ARHGEF35: variants seen among roughly 807,000 people sequenced by gnomAD.
ARHGEF35 encodes Rho guanine nucleotide exchange factor 35, also known as Rho guanine nucleotide exchange factor (GEF) 35.
For synonymous variants in ARHGEF35, 47 were observed against 170.4 expected, an observed-to-expected ratio of 0.28 and a Z score of 5.64; for missense variants, 114 against 449.7, an observed-to-expected ratio of 0.25 and a Z score of 6.75.
Position 144,187,022 on chromosome 7 carries a change from C to T in ARHGEF35, c.1362G>A (p.Glu454=). The T allele has an allele frequency of 1.3e-6, 2 of 1,545,818 alleles. No individual in the cohort carries two copies. Among genetic ancestry groups the T allele is most frequent in the Non-Finnish European group, 8.9e-7 (1 of 1,123,718 alleles). Residue 454 remains glutamate (E), a synonymous_variant, in exon 2 of 2, where the codon GAG becomes GAA. Transcript: ENST00000378115. ...TGGGCTGGTGAGAGCATCTGATGGG[C>T]TCTAGCAAGGGAGACAGAGCTGCGG... is the stretch of plus-strand genomic sequence containing the variant. The part of the protein sequence containing the change: ...LSPAALSPLL[E]PIRCSHQPIS...
rs2128812830 is a variant in ARHGEF35 at position 144,187,145 on chromosome 7, AG to A, written c.1238del (p.Pro413LeufsTer17). 1 of 1,518,666 alleles carries A rather than the reference AG, an allele frequency of 6.6e-7. No homozygotes were observed. The highest frequency in any genetic ancestry group is 1.1e-5 in the South Asian group (1 of 89,190). The allele number at this position is 1,518,666 out of a possible 1,614,324, so 94.1% of individuals were successfully genotyped here. ...ACAGGTCACAGTGAGGAGAGTCCTCAGGGGCTATCAGAGCGGGCATTGAAGG... is the reference window on the plus strand; with the variant it reads ...ACAGGTCACAGTGAGGAGAGTCCTCAGGGCTATCAGAGCGGGCATTGAAGG... ...HGPSMPALIA[P>X]EDSPHCDLFP... On this transcript the variant is annotated frameshift_variant, in exon 2 of 2. Transcript: ENST00000378115. LOFTEE classifies it low-confidence loss of function (END_TRUNC).
chr7:144,191,319 C>G (rs2052000153), intron 1 of ARHGEF35, among the ~76,000 whole-genome samples: 2 of 124,712 alleles, frequency 1.6e-5, no homozygotes, highest in Admixed American at 1.6e-4. Flanking sequence ...GCCTATTCAC[C>G]TGTCACCATC....
In ARHGEF35 at chr7:144,192,229, G is replaced by A. The variant is rs2428799; in HGVS notation, c.-13+3309C>T. 9.0e-3 allele frequency among the ~76,000 whole-genome samples: 841 copies of A among 93,210 alleles called. 1 individual carries two copies. Among genetic ancestry groups the A allele is most frequent in the East Asian group, 0.046 (180 of 3,888 alleles). 61.1% of individuals were successfully genotyped at this position (93,210 alleles called of 152,430 possible). A position where few individuals can be genotyped will look rare whatever the true frequency, so the allele number is the denominator to read the frequency against. On this transcript the variant is annotated intron_variant, in intron 1 of 1. Transcript: ENST00000378115. Reference sequence around the variant, plus strand: ...ATACTGTCCTGCTTAGCCACTGTGTGTACACACACACACACACACACACAC... The same window carrying A: ...ATACTGTCCTGCTTAGCCACTGTGTATACACACACACACACACACACACAC...
chr7:144,186,771 T>A lies in ARHGEF35; in HGVS notation c.*158A>T. On this transcript the variant is annotated 3_prime_UTR_variant, in exon 2 of 2. Transcript: ENST00000378115. ...AGAGCAGATGAAAACCAGAAATCAT[T>A]GTAGGGAATCCAATTGGAAATCAGC... The A allele has an allele frequency of 1.4e-6, 1 of 698,980 alleles. No individual in the cohort carries two copies. The highest frequency in any genetic ancestry group is 2.2e-6 in the Non-Finnish European group (1 of 448,896). 43.3% of individuals were successfully genotyped at this position (698,980 alleles called of 1,614,324 possible). A position where few individuals can be genotyped will look rare whatever the true frequency, so the allele number is the denominator to read the frequency against.
intron 1 of ARHGEF35, among the ~76,000 whole-genome samples, chr7:144,191,424 G>A (rs2052002882): frequency 2.3e-5 from 2 of 86,188 alleles, no homozygotes; most frequent in African/African-American, 9.6e-5. Flanking sequence ...TGTAGACACT[G>A]CTCCTCTGCC....
intron 1 of ARHGEF35, among the ~76,000 whole-genome samples, chr7:144,191,344 T>TCCC (rs17134817): frequency 2.0e-3 from 59 of 29,642 alleles, no homozygotes; most frequent in East Asian, 4.3e-3. Context: ...CCTGCCCCCA[T>TCCC]CCCCCCCCCC....
chr7:144,190,439 T>C (rs1257595308), intron 1 of ARHGEF35, among the ~76,000 whole-genome samples: 6 of 138,764 alleles, frequency 4.3e-5, no homozygotes, highest in African/African-American at 1.7e-4. Flanking sequence ...GATTAACAGT[T>C]TACACAGAAC....
At chr7:144,192,230 TACACACACACACAC>T (rs2699831) in intron 1 of ARHGEF35, among the ~76,000 whole-genome samples, 55 of 62,784 alleles carry the variant, frequency 8.8e-4, no homozygotes, top group African/African-American at 3.7e-3. Context: ...CCACTGTGTG[TACACACACACACAC>T]ACACACACAC....
rs1425247402 is a variant in ARHGEF35, at chr7:144,186,997, T to A, written c.1387A>T (p.Ile463Phe). The part of the protein sequence containing the change: ...LEPIRCSHQP[I>F]SLLGSFLTEE... The stretch of plus-strand genomic sequence containing the variant: ...GTCAAAAAGGAGCCCAGTAGAGAAA[T>A]GGGCTGGTGAGAGCATCTGATGGGC... Residue 463 changes from isoleucine to phenylalanine, a missense_variant, in exon 2 of 2, where the codon ATT becomes TTT. By Grantham distance (21) the Ile-to-Phe change is conservative. Transcript: ENST00000378115. The A allele has an allele frequency of 2.6e-6, 4 of 1,545,466 alleles. No individual in the cohort carries two copies. The highest frequency in any genetic ancestry group is 2.8e-5 in the African/African-American group (2 of 71,208).
rs2051964403 is a variant in ARHGEF35, at chr7:144,187,105, A to AT, written c.1278dup (p.Tyr427IlefsTer16). ...GTCCCGGGAATCTGAGTCACGAGAT[A>AT]TGAGGCACCTGGAAACAGGTCACAG... is the stretch of plus-strand genomic sequence containing the variant. On this transcript the variant is annotated frameshift_variant, in exon 2 of 2. Coordinates refer to ENST00000378115, the MANE Select transcript of ARHGEF35 (RefSeq NM_001003702.3). LOFTEE classifies it low-confidence loss of function (END_TRUNC). 2 of 1,533,950 alleles carry AT rather than the reference A, an allele frequency of 1.3e-6. 1 individual carries two copies.
At position 144,186,729 on chromosome 7, in the gene ARHGEF35, A is replaced by C. The variant is rs1275606216; in HGVS notation, c.*200T>G. 3.7e-6 allele frequency: 2 copies of C among 543,104 alleles called. No homozygotes were observed. The highest frequency in any genetic ancestry group is 4.9e-5 in the African/African-American group (2 of 40,844). The allele number at this position is 543,104 out of a possible 1,614,324, so 33.6% of individuals were successfully genotyped here. The stretch of plus-strand genomic sequence containing the variant: ...TAAAACTCGCCACAACAAATTTAAA[A>C]GAGATAGTAATCATCCAGAGCAGAT... On this transcript the variant is annotated 3_prime_UTR_variant, in exon 2 of 2. Coordinates refer to ENST00000378115, the MANE Select transcript of ARHGEF35 (RefSeq NM_001003702.3).
At chr7:144,193,799 T>C (rs1205897037) in intron 1 of ARHGEF35, among the ~76,000 whole-genome samples, 1 of 142,688 alleles carries the variant, frequency 7.0e-6, no homozygotes, top group Non-Finnish European at 1.6e-5. Flanking sequence ...CAATCTCATC[T>C]GTGGTCCTGG....
intron 1 of ARHGEF35, among the ~76,000 whole-genome samples, chr7:144,190,840 T>C (rs1271623775): frequency 6.8e-6 from 1 of 147,730 alleles, no homozygotes; most frequent in African/African-American, 2.5e-5. Flanking sequence ...GAGGATCCCT[T>C]GAGCCCAGGA....
chr7:144,189,461 A>G (rs17345240), intron 1 of ARHGEF35, among the ~76,000 whole-genome samples: 4,739 of 43,428 alleles, frequency 0.11, 7 homozygotes, highest in East Asian at 0.25. Flanking sequence ...CCCCAGGAAC[A>G]CTGTGCACTC....
rs2699831 is a variant in ARHGEF35, at chr7:144,192,230, T to TACACACACACACACAC, written c.-13+3292_-13+3307dup. Among the ~76,000 whole-genome samples, 12 of 62,804 alleles carry TACACACACACACACAC rather than the reference T, an allele frequency of 1.9e-4. 1 individual carries two copies. The highest frequency in any genetic ancestry group is 9.5e-4 in the African/African-American group (12 of 12,642). 41.2% of individuals were successfully genotyped at this position (62,804 alleles called of 152,430 possible). On this transcript the variant is annotated intron_variant, in intron 1 of 1. Transcript: ENST00000378115. ...TACTGTCCTGCTTAGCCACTGTGTG[T>TACACACACACACACAC]ACACACACACACACACACACACACA... is the stretch of plus-strand genomic sequence containing the variant.
In ARHGEF35 at chr7:144,186,905, G is replaced by C; in HGVS notation, c.*24C>G. ...GAAAAATTTAAAAATACATTGAACT[G>C]GATAAACATGAAACTGTGACATATC... On this transcript the variant is annotated 3_prime_UTR_variant, in exon 2 of 2. Transcript: ENST00000378115. 7.1e-7 allele frequency: 1 copy of C among 1,415,136 alleles called. No individual in the cohort carries two copies. 87.7% of individuals were successfully genotyped at this position (1,415,136 alleles called of 1,614,324 possible).
At chr7:144,190,281 T>C in intron 1 of ARHGEF35, among the ~76,000 whole-genome samples, 1 of 98,890 alleles carries the variant, frequency 1.0e-5, no homozygotes, top group East Asian at 2.5e-4. Context: ...TTAAGAACTA[T>C]GACTTGCTGA....
At chr7:144,189,788 C>T (rs1458813038) in intron 1 of ARHGEF35, among the ~76,000 whole-genome samples, 1 of 122,824 alleles carries the variant, frequency 8.1e-6, no homozygotes, top group African/African-American at 3.3e-5. Flanking sequence ...CAGTTTCCTC[C>T]AGTCTTTTTT....
rs1432208549 is a variant in ARHGEF35, at chr7:144,191,006, T to C, written c.-12-2611A>G. On this transcript the variant is annotated intron_variant, in intron 1 of 1. Coordinates refer to ENST00000378115, the MANE Select transcript of ARHGEF35 (RefSeq NM_001003702.3). Reference sequence around the variant, plus strand: ...ATTCCCCATATCTAATCAATCACCATGTGCTATTGACCTCGTCTGCTAAAT... The same window carrying C: ...ATTCCCCATATCTAATCAATCACCACGTGCTATTGACCTCGTCTGCTAAAT... 1.3e-4 allele frequency among the ~76,000 whole-genome samples: 16 copies of C among 118,558 alleles called. No individual in the cohort carries two copies. The East Asian group carries it at 5.1e-3, about 38-fold the overall frequency. 77.8% of individuals were successfully genotyped at this position (118,558 alleles called of 152,430 possible). A position where few individuals can be genotyped will look rare whatever the true frequency, so the allele number is the denominator to read the frequency against.
Sources: allele counts gnomAD v4.1 joint callset (sites outside exome capture counted in the v4.1 genomes callset), GRCh38; gene constraint gnomAD v4.1.1; transcripts MANE v1.5; gene names NCBI Gene and HGNC (gene_info 2026-07-23, HGNC 2026-07-21).